The following CHD2 variants were observed in gnomAD, a reference collection of about 807,000 sequenced individuals.
CHD2 encodes chromodomain helicase DNA binding protein 2.
A neutral mutation model predicts 243.9 loss-of-function variants in CHD2; 28 were observed. The ratio of observed to expected loss-of-function variants is 0.11; its 90% CI spans 0.09 to 0.16. The LOEUF (loss-of-function observed/expected upper bound fraction) is 0.16, where lower values mean the gene tolerates loss of function less well. CHD2 is among the 10% of genes least tolerant of loss of function. The probability of loss-of-function intolerance (pLI) is 1.00; values close to 1 mark genes in which losing one functional copy is unlikely to be tolerated. For missense variants in CHD2, 1,386 were observed against 2,209.8 expected (o/e 0.63, Z 7.47); for synonymous variants, 775 against 779.0 (o/e 0.99, Z 0.09).
intron 16 of CHD2, among the ~76,000 whole-genome samples, chr15:92,965,670 T>C (rs2053752487): frequency 2.6e-5 from 4 of 151,546 alleles, no homozygotes; most frequent in Admixed American, 2.0e-4. Flanking sequence ...ATCTCTGCTG[T>C]TTAGAGGAAA....
intron 2 of CHD2, among the ~76,000 whole-genome samples, chr15:92,908,461 CTACTTT>C (rs1372640076): frequency 6.6e-6 from 1 of 152,116 alleles, no homozygotes; most frequent in Non-Finnish European, 1.5e-5. Flanking sequence ...CAGATGGGTT[CTACTTT>C]TTATTCCCAT....
chr15:92,982,987 G>T (rs565531139), intron 24 of CHD2, among the ~76,000 whole-genome samples: 3 of 152,148 alleles, frequency 2.0e-5, no homozygotes, highest in African/African-American at 7.2e-5. Context: ...TGCCAACATG[G>T]TCAGGTTCTG....
intron 34 of CHD2, among the ~76,000 whole-genome samples, chr15:93,008,790 G>A (rs1422238639): frequency 6.6e-6 from 1 of 152,156 alleles, no homozygotes; most frequent in Non-Finnish European, 1.5e-5. Flanking sequence ...TTTTTAGACA[G>A]TTTCTGGTGG....
intron 34 of CHD2, among the ~76,000 whole-genome samples, chr15:93,007,517 C>T (rs1445006156): frequency 1.3e-5 from 2 of 152,036 alleles, no homozygotes; most frequent in Non-Finnish European, 2.9e-5. Context: ...ACAGAAAAAT[C>T]CACAAATAAT....
At chr15:92,937,695 G>A (rs931579100) in intron 6 of CHD2, 70 bp downstream of exon 6, 48 of 1,149,982 alleles carry the variant, frequency 4.2e-5, no homozygotes, top group Middle Eastern at 4.0e-4. Context: ...GGATAATGTC[G>A]TGCTGAAATG....
intron 21 of CHD2, 148 bp from the exon 22 acceptor site, chr15:92,978,987 T>TA: frequency 1.0e-6 from 1 of 972,104 alleles, no homozygotes; most frequent in South Asian, 1.7e-5. Context: ...AGCTGCCTGC[T>TA]TGGATGGCTT....
At chr15:92,903,736 G>T (rs112460356) in intron 2 of CHD2, among the ~76,000 whole-genome samples, 1 of 152,208 alleles carries the variant, frequency 6.6e-6, no homozygotes, top group Non-Finnish European at 1.5e-5. Flanking sequence ...AAACGGGACT[G>T]TGTGCACACA....
At chr15:92,954,010 G>A (rs887995696) in intron 14 of CHD2, 6 of 157,452 alleles carry the variant, frequency 3.8e-5, no homozygotes, top group African/African-American at 1.4e-4. Context: ...AGGAATAAAA[G>A]TAAAGGAAAA....
At chr15:92,944,088 C>T (rs926569486) in intron 9 of CHD2, 2 of 163,894 alleles carry the variant, frequency 1.2e-5, no homozygotes, top group Admixed American at 6.2e-5. Flanking sequence ...TTTTATTATC[C>T]TGATTTGTTG....
chr15:93,018,005 T>A lies in CHD2; in HGVS notation c.4907-2007T>A, dbSNP rs2054485271. 2.0e-5 allele frequency among the ~76,000 whole-genome samples: 3 copies of A among 152,226 alleles called. 1 individual carries two copies. The South Asian group carries it at 6.2e-4, about 32-fold the overall frequency. On this transcript the variant is annotated intron_variant, in intron 37 of 38. Transcript: ENST00000394196. ...ACCTTGGATTCCTCACCCATCTTTT[T>A]AATAGCTCAATACTTTGTAACCTGT...
In CHD2 at chr15:93,004,720, A is replaced by T. The variant is rs1230039615; in HGVS notation, c.4382A>T (p.Asp1461Val). The change falls in exon 34 of 39, where the codon GAT (aspartate) becomes GTT (valine). Residue 1461 changes from aspartate (D) to valine (V), a missense_variant. Around this residue, in one of 19 missense-constraint regions of CHD2, gnomAD observed 22 missense variants for 60.2 expected, o/e 0.37. Coordinates refer to ENST00000394196, the MANE Select transcript of CHD2 (RefSeq NM_001271.4). ...CCTGTCCCCATTGGAGAGGATGAGGATGATGATCTGGACCAGGAGACATTC... is the reference window on the plus strand; with the variant it reads ...CCTGTCCCCATTGGAGAGGATGAGGTTGATGATCTGGACCAGGAGACATTC... ...SEPVPIGEDE[D>V]DDLDQETFSI... is the part of the protein sequence containing the mutation. The T allele has an allele frequency of 6.2e-7, 1 of 1,613,512 alleles. No homozygotes were observed. The highest frequency in any genetic ancestry group is 8.5e-7 in the Non-Finnish European group (1 of 1,179,698).
chr15:92,982,176 A>T (rs908833733), intron 24 of CHD2, among the ~76,000 whole-genome samples: 1 of 152,212 alleles, frequency 6.6e-6, no homozygotes, highest in Non-Finnish European at 1.5e-5. Context: ...AGGAGACTGG[A>T]AGGGATACAG....
chr15:93,020,475 T>G (rs745968419), intron 38 of CHD2: 29 of 634,614 alleles, frequency 4.6e-5, no homozygotes, highest in Non-Finnish European at 6.8e-5. Context: ...AAAAGAGTTT[T>G]CTGCCGTCTT....
chr15:92,976,321 G>A (rs1213813923), intron 20 of CHD2, among the ~76,000 whole-genome samples: 1 of 151,872 alleles, frequency 6.6e-6, no homozygotes, highest in African/African-American at 2.4e-5. Context: ...TATTTATTGT[G>A]GGACAAAATA....
At chr15:92,957,048 G>A (rs188446162) in intron 16 of CHD2, among the ~76,000 whole-genome samples, 90 of 152,248 alleles carry the variant, frequency 5.9e-4, no homozygotes, top group African/African-American at 2.0e-3. Flanking sequence ...TCTTATTCAC[G>A]TATTATTAAA....
chr15:92,989,219 A>G (rs1488083335), intron 26 of CHD2, among the ~76,000 whole-genome samples: 1 of 151,912 alleles, frequency 6.6e-6, no homozygotes, highest in Non-Finnish European at 1.5e-5. Flanking sequence ...TTTAGTAGAG[A>G]CAGGGTTTCA....
intron 16 of CHD2, among the ~76,000 whole-genome samples, chr15:92,962,381 T>C (rs2053702392): frequency 6.6e-6 from 1 of 152,180 alleles, no homozygotes; most frequent in Admixed American, 6.5e-5. Flanking sequence ...TGTTTTTGTT[T>C]TCATTTGATT....
At chr15:92,945,535 G>A in intron 10 of CHD2, 1 of 175,098 alleles carries the variant, frequency 5.7e-6, no homozygotes, top group Non-Finnish European at 1.2e-5. Context: ...GGGATTACAG[G>A]CACCCCCCAC....
intron 2 of CHD2, among the ~76,000 whole-genome samples, chr15:92,916,059 A>G (rs1466232739): frequency 6.6e-6 from 1 of 152,224 alleles, no homozygotes; most frequent in Non-Finnish European, 1.5e-5. Flanking sequence ...GCTAATCAAG[A>G]GACTTAAAAG....
Sources: allele counts gnomAD v4.1 joint callset (sites outside exome capture counted in the v4.1 genomes callset), GRCh38; gene constraint gnomAD v4.1.1; regional missense constraint gnomAD v4.1.1; transcripts MANE v1.5; gene names NCBI Gene and HGNC (gene_info 2026-07-23, HGNC 2026-07-21).